The following CACFD1 variants were observed in gnomAD, a reference collection of about 807,000 sequenced individuals.
The protein encoded by CACFD1 is calcium channel flower domain containing 1.
Under a neutral mutation model 21.3 loss-of-function variants are expected in CACFD1, and 26 were observed. The ratio of observed to expected loss-of-function variants is 1.22; its 90% CI spans 0.89 to 1.69. The LOEUF (loss-of-function observed/expected upper bound fraction) is 1.69. Ranked by LOEUF, CACFD1 falls within the 40% of genes most tolerant of loss-of-function variation. The probability of loss-of-function intolerance (pLI) is 0.00; values close to 1 mark genes in which losing one functional copy is unlikely to be tolerated. For missense variants in CACFD1, 265 were observed against 236.2 expected (o/e 1.12, Z -0.80); for synonymous variants, 121 against 106.6 (o/e 1.13, Z -0.83).
At chr9:133,462,885 G>T (rs1368401339) in intron 1 of CACFD1, among the ~76,000 whole-genome samples, 4 of 152,278 alleles carry the variant, frequency 2.6e-5, no homozygotes, top group Non-Finnish European at 5.9e-5. Context: ...GGAGAAACGG[G>T]TCTAGGAAGA....
At position 133,465,562 on chromosome 9, in the gene CACFD1, T is replaced by C. The variant is rs1393642945; in HGVS notation, c.320+115T>C. The C allele has an allele frequency of 2.7e-6, 3 of 1,102,344 alleles. No homozygotes were observed. The highest frequency in any genetic ancestry group is 3.9e-6 in the Non-Finnish European group (3 of 767,204). The allele number at this position is 1,102,344 out of a possible 1,614,324, so 68.3% of individuals were successfully genotyped here. A position where few individuals can be genotyped will look rare whatever the true frequency, so the allele number is the denominator to read the frequency against. The stretch of plus-strand genomic sequence containing the variant: ...TGTATTCAGTTCCTCTCTGTGGAAG[T>C]GTAAACTGGGATTGCCTTTGTGCAC... On this transcript the variant is annotated intron_variant, in intron 3 of 4. Coordinates refer to ENST00000316948, the MANE Select transcript of CACFD1 (RefSeq NM_017586.5). This position sits in a 1 kb window ranked among gnomAD's most constrained non-coding sequence, Gnocchi z 5.0.
rs1843611125 is a variant in CACFD1, at chr9:133,469,899, C to T, written c.*1246C>T. 1.3e-5 allele frequency: 2 copies of T among 152,340 alleles called. No homozygotes were observed. The highest frequency in any genetic ancestry group is 2.9e-5 in the Non-Finnish European group (2 of 68,066). The allele number at this position is 152,340 out of a possible 1,614,324, so 9.4% of individuals were successfully genotyped here. A position where few individuals can be genotyped will look rare whatever the true frequency, so the allele number is the denominator to read the frequency against. On this transcript the variant is annotated 3_prime_UTR_variant, in exon 5 of 5. Coordinates refer to ENST00000316948, the MANE Select transcript of CACFD1 (RefSeq NM_017586.5). ...CTGGGTCTTGCTAAGTGAACTGTTT[C>T]CCAGGAACACCTCTCGGGCCCATCT...
At chr9:133,461,827 A>C in intron 1 of CACFD1, 1 of 980,192 alleles carries the variant, frequency 1.0e-6, no homozygotes, top group Non-Finnish European at 1.2e-6. Context: ...TAGAATGCAA[A>C]AATGCAGGGT....
rs1843404598 is a variant in CACFD1 at position 133,465,572 on chromosome 9, GATTGCCTTTGT to G, written c.320+126_320+136del. The G allele has an allele frequency of 4.1e-5, 42 of 1,021,048 alleles. No individual in the cohort carries two copies. The highest frequency in any genetic ancestry group is 5.7e-5 in the Non-Finnish European group (40 of 698,784). 63.2% of individuals were successfully genotyped at this position (1,021,048 alleles called of 1,614,324 possible). On this transcript the variant is annotated intron_variant, in intron 3 of 4. Coordinates refer to ENST00000316948, the MANE Select transcript of CACFD1 (RefSeq NM_017586.5). This position sits in a 1 kb window ranked among gnomAD's most constrained non-coding sequence, Gnocchi z 5.0. ...TCCTCTCTGTGGAAGTGTAAACTGG[GATTGCCTTTGT>G]GCACAGTGATTTGCTCATAGCTGCC...
chr9:133,462,885 G>A (rs1368401339), intron 1 of CACFD1, among the ~76,000 whole-genome samples: 1 of 152,278 alleles, frequency 6.6e-6, no homozygotes, highest in African/African-American at 2.4e-5. Context: ...GGAGAAACGG[G>A]TCTAGGAAGA....
Position 133,460,074 on chromosome 9 carries a change from G to T in CACFD1, c.8G>T (p.Ser3Ile). Residue 3 changes from serine (S) to isoleucine (I), a missense_variant, in exon 1 of 5, where the codon AGC (serine) becomes ATC (isoleucine). Coordinates refer to ENST00000316948, the MANE Select transcript of CACFD1 (RefSeq NM_017586.5). ...GCGCCTGACGGTGGCACCATGAGCA[G>T]CTCAGGTGGGGCGCCCGGGGCGTCC... MS[S>I]SGGAPGASAS... is the part of the protein sequence containing the mutation. 6.4e-7 allele frequency: 1 copy of T among 1,563,250 alleles called. No homozygotes were observed. The highest frequency in any genetic ancestry group is 8.7e-7 in the Non-Finnish European group (1 of 1,154,158).
intron 3 of CACFD1, among the ~76,000 whole-genome samples, chr9:133,466,399 A>G (rs1843438772): frequency 6.6e-6 from 1 of 152,194 alleles, no homozygotes; most frequent in Non-Finnish European, 1.5e-5. Context: ...TGCTTTTAAC[A>G]CAGTTATAAC....
At position 133,460,028 on chromosome 9, in the gene CACFD1, C is replaced by G; in HGVS notation, c.-39C>G. ...GCTCGGACGCGGCCGGCTACCGAGC[C>G]CTTTGTGAGGGCTGTGAGCTGCGCC... On this transcript the variant is annotated 5_prime_UTR_variant, in exon 1 of 5. Transcript: ENST00000316948. The G allele has an allele frequency of 6.6e-7, 1 of 1,512,372 alleles. No individual in the cohort carries two copies. The allele number at this position is 1,512,372 out of a possible 1,614,324, so 93.7% of individuals were successfully genotyped here. A position where few individuals can be genotyped will look rare whatever the true frequency, so the allele number is the denominator to read the frequency against.
chr9:133,467,913 C>T lies in CACFD1; in HGVS notation c.321-8C>T, dbSNP rs782087581. 2.5e-6 allele frequency: 4 copies of T among 1,603,338 alleles called. No homozygotes were observed. Among genetic ancestry groups the T allele is most frequent in the African/African-American group, 2.7e-5 (2 of 74,674 alleles). On this transcript the variant is annotated splice_polypyrimidine_tract_variant and splice_region_variant and intron_variant, in intron 3 of 4. Coordinates refer to ENST00000316948, the MANE Select transcript of CACFD1 (RefSeq NM_017586.5). ...GGAGTGCCCCCTTGACCTCTGCTTT[C>T]CCCCCAGGATGGCGGTCGTTCCCAT...
intron 1 of CACFD1, among the ~76,000 whole-genome samples, chr9:133,461,015 G>A (rs1843184917): frequency 7.5e-6 from 1 of 133,006 alleles, no homozygotes; most frequent in Non-Finnish European, 1.6e-5. Context: ...GCCTTCCAGG[G>A]AAAGACAAGT....
chr9:133,466,323 C>T (rs587623805), intron 3 of CACFD1, among the ~76,000 whole-genome samples: 3 of 152,340 alleles, frequency 2.0e-5, no homozygotes, highest in East Asian at 3.9e-4. Flanking sequence ...CAATGTTACT[C>T]GAAGCCCGCT....
chr9:133,468,749 G>A lies in CACFD1; in HGVS notation c.*96G>A. 1 of 1,454,384 alleles carries A rather than the reference G, an allele frequency of 6.9e-7. No homozygotes were observed. Among genetic ancestry groups the A allele is most frequent in the East Asian group, 2.5e-5 (1 of 40,040 alleles). The allele number at this position is 1,454,384 out of a possible 1,614,324, so 90.1% of individuals were successfully genotyped here. ...CCACGCTGAGGCACAGCCTGGAGAG[G>A]GGCCTTTGCACGTGTCCCTACACCT... On this transcript the variant is annotated 3_prime_UTR_variant, in exon 5 of 5. Transcript: ENST00000316948.
intron 4 of CACFD1, 141 bp downstream of exon 4, chr9:133,468,169 A>G (rs1448042951): frequency 1.9e-6 from 2 of 1,053,766 alleles, no homozygotes; most frequent in Non-Finnish European, 2.7e-6. Flanking sequence ...TGGTGCCTCC[A>G]GGGCTCAGCT....
chr9:133,460,054 T>TA lies in CACFD1; in HGVS notation c.-13_-12insA. ...CTTTGTGAGGGCTGTGAGCTGCGCC[T>TA]GACGGTGGCACCATGAGCAGCTCAG... is the stretch of plus-strand genomic sequence containing the variant. On this transcript the variant is annotated 5_prime_UTR_variant, in exon 1 of 5. Coordinates refer to ENST00000316948, the MANE Select transcript of CACFD1 (RefSeq NM_017586.5). The TA allele has an allele frequency of 6.4e-7, 1 of 1,552,468 alleles. No individual in the cohort carries two copies. Among genetic ancestry groups the TA allele is most frequent in the African/African-American group, 1.4e-5 (1 of 72,212 alleles).
chr9:133,461,093 T>C (rs879460589), intron 1 of CACFD1, among the ~76,000 whole-genome samples: 13 of 152,188 alleles, frequency 8.5e-5, no homozygotes, highest in Non-Finnish European at 1.9e-4. Flanking sequence ...GTGGGCAAGG[T>C]CTTAGAGAAT....
Position 133,460,210 on chromosome 9 carries a change from G to A in CACFD1, c.121+23G>A, listed in dbSNP as rs587662076. 143 of 1,512,952 alleles carry A rather than the reference G, an allele frequency of 9.5e-5. 1 individual carries two copies. The South Asian group carries it at 1.6e-3, about 17-fold the overall frequency. The allele number at this position is 1,512,952 out of a possible 1,614,324, so 93.7% of individuals were successfully genotyped here. The stretch of plus-strand genomic sequence containing the variant: ...TCTGTGAGTATCCAGTCGGGGAGAG[G>A]GGCCGGCCCCGCCGCGCATGCGCTC... On this transcript the variant is annotated intron_variant, in intron 1 of 4. Transcript: ENST00000316948.
chr9:133,460,939 C>T (rs1422833661), intron 1 of CACFD1, among the ~76,000 whole-genome samples: 2 of 152,216 alleles, frequency 1.3e-5, no homozygotes, highest in South Asian at 4.1e-4. Flanking sequence ...GGCTCTTAAG[C>T]ACAGCCAGAA....
chr9:133,465,449 T>G lies in CACFD1; in HGVS notation c.320+2T>G, dbSNP rs1554799369. Reference sequence around the variant, plus strand: ...GCAGAAGGCTGTCTTCTACTGCGGGTGAGGGGTTGCTGGGCAGGGTCCCGT... The same window carrying G: ...GCAGAAGGCTGTCTTCTACTGCGGGGGAGGGGTTGCTGGGCAGGGTCCCGT... On this transcript the variant is annotated splice_donor_variant, in intron 3 of 4. Transcript: ENST00000316948. LOFTEE classifies it high-confidence loss of function. The surrounding 1 kb of genome is among the most constrained non-coding windows in gnomAD (Gnocchi z 5.0). 1.2e-6 allele frequency: 2 copies of G among 1,606,358 alleles called. No homozygotes were observed. The highest frequency in any genetic ancestry group is 2.7e-5 in the African/African-American group (2 of 74,732).
rs1184219552 is a variant in CACFD1 at position 133,465,576 on chromosome 9, G to T, written c.320+129G>T. ...CTCTGTGGAAGTGTAAACTGGGATTGCCTTTGTGCACAGTGATTTGCTCAT... is the reference window on the plus strand; with the variant it reads ...CTCTGTGGAAGTGTAAACTGGGATTTCCTTTGTGCACAGTGATTTGCTCAT... On this transcript the variant is annotated intron_variant, in intron 3 of 4. Coordinates refer to ENST00000316948, the MANE Select transcript of CACFD1 (RefSeq NM_017586.5). The surrounding 1 kb of genome is among the most constrained non-coding windows in gnomAD (Gnocchi z 5.0). 5.1e-6 allele frequency: 5 copies of T among 982,090 alleles called. No homozygotes were observed. Among genetic ancestry groups the T allele is most frequent in the Non-Finnish European group, 6.0e-6 (4 of 665,038 alleles). The allele number at this position is 982,090 out of a possible 1,614,324, so 60.8% of individuals were successfully genotyped here.
Sources: allele counts gnomAD v4.1 joint callset (sites outside exome capture counted in the v4.1 genomes callset), GRCh38; gene constraint gnomAD v4.1.1; non-coding constraint Gnocchi (gnomAD v3.1); transcripts MANE v1.5; gene names NCBI Gene and HGNC (gene_info 2026-07-23, HGNC 2026-07-21).